Variants in RALGAPB observed in about 807,000 individuals in gnomAD.
RALGAPB encodes the protein ral GTPase-activating protein subunit beta.
RALGAPB carries 25 observed loss-of-function variants against 161.1 expected under a neutral mutation model. The ratio of observed to expected loss-of-function variants is 0.16; its 90% CI spans 0.11 to 0.22. The LOEUF (loss-of-function observed/expected upper bound fraction) is 0.22, where lower values mean the gene tolerates loss of function less well. Among genes scored for constraint, RALGAPB ranks in the 10% least tolerant of loss-of-function variants. The probability of loss-of-function intolerance (pLI) is 1.00; values close to 1 mark genes in which losing one functional copy is unlikely to be tolerated. For missense variants in RALGAPB, 1,391 were observed against 1,815.2 expected, an observed-to-expected ratio of 0.77 and a Z score of 4.25; for synonymous variants, 629 against 626.1, an observed-to-expected ratio of 1.00 and a Z score of -0.07.
intron 1 of RALGAPB, among the ~76,000 whole-genome samples, chr20:38,477,692 T>C (rs2084848607): frequency 6.6e-6 from 1 of 152,214 alleles, no homozygotes; most frequent in South Asian, 2.1e-4. Context: ...AATAGGCATG[T>C]CTTATAATGT....
intron 23 of RALGAPB, among the ~76,000 whole-genome samples, chr20:38,561,056 G>A (rs56406999): frequency 6.6e-6 from 1 of 152,362 alleles, no homozygotes; most frequent in African/African-American, 2.4e-5. Context: ...GCCGGGTGTG[G>A]TGGCTCATGC....
chr20:38,543,616 C>A (rs1158515888), intron 18 of RALGAPB, among the ~76,000 whole-genome samples: 1 of 152,128 alleles, frequency 6.6e-6, no homozygotes. Flanking sequence ...TGATCTTTTC[C>A]ACCACTGCTT....
In RALGAPB at chr20:38,473,022, C is replaced by T. The variant is rs955201225; in HGVS notation, c.-78C>T. Reference sequence around the variant, plus strand: ...CGTGAGGCGGAAGGCCGAGGACGGCCGGCGGCGGCGCCCGCCCCGGCGATG... The same window carrying T: ...CGTGAGGCGGAAGGCCGAGGACGGCTGGCGGCGGCGCCCGCCCCGGCGATG... On this transcript the variant is annotated 5_prime_UTR_variant, in exon 1 of 30. Coordinates refer to ENST00000262879, the MANE Select transcript of RALGAPB (RefSeq NM_020336.4). 2.6e-6 allele frequency: 1 copy of T among 391,960 alleles called. No individual in the cohort carries two copies. The highest frequency in any genetic ancestry group is 4.5e-6 in the Non-Finnish European group (1 of 221,636). 24.3% of individuals were successfully genotyped at this position (391,960 alleles called of 1,614,324 possible). A position where few individuals can be genotyped will look rare whatever the true frequency, so the allele number is the denominator to read the frequency against.
chr20:38,559,898 C>T lies in RALGAPB; in HGVS notation c.3531+1445C>T, dbSNP rs187704645. 1.3e-3 allele frequency among the ~76,000 whole-genome samples: 201 copies of T among 152,120 alleles called. 4 individuals carry two copies. The highest frequency in any genetic ancestry group is 5.8e-4 in the East Asian group (3 of 5,176). On this transcript the variant is annotated intron_variant, in intron 23 of 29. Coordinates refer to ENST00000262879, the MANE Select transcript of RALGAPB (RefSeq NM_020336.4). ...TTACTGACTGTAACTAGGAAAGAGC[C>T]GAAGGAAGACTTGTAAAATGTCGTA...
chr20:38,485,491 G>A (rs1465309357), intron 1 of RALGAPB, among the ~76,000 whole-genome samples: 1 of 151,852 alleles, frequency 6.6e-6, no homozygotes, highest in African/African-American at 2.4e-5. Context: ...GCAGTGGTGC[G>A]ATCTCAGCTT....
intron 1 of RALGAPB, among the ~76,000 whole-genome samples, chr20:38,480,904 A>C (rs2084949052): frequency 6.7e-6 from 1 of 149,216 alleles, no homozygotes; most frequent in Non-Finnish European, 1.5e-5. Flanking sequence ...CGCCCGGCTA[A>C]TTTTTTTTTG....
At chr20:38,508,360 A>G (rs1421502927) in intron 5 of RALGAPB, among the ~76,000 whole-genome samples, 1 of 152,128 alleles carries the variant, frequency 6.6e-6, no homozygotes, top group African/African-American at 2.4e-5. Flanking sequence ...ATACACAAGT[A>G]GAAAAATTAG....
At position 38,499,647 on chromosome 20, in the gene RALGAPB, A is replaced by G; in HGVS notation, c.740+14A>G. 1 of 1,601,096 alleles carries G rather than the reference A, an allele frequency of 6.2e-7. No individual in the cohort carries two copies. The highest frequency in any genetic ancestry group is 2.3e-5 in the East Asian group (1 of 44,414). Reference sequence around the variant, plus strand: ...ACTCACTTCCAGGTAGGTTATTGTCATTGCCCTGCCTTCCTTCACCTGTCT... The same window carrying G: ...ACTCACTTCCAGGTAGGTTATTGTCGTTGCCCTGCCTTCCTTCACCTGTCT... On this transcript the variant is annotated intron_variant, in intron 5 of 29. Coordinates refer to ENST00000262879, the MANE Select transcript of RALGAPB (RefSeq NM_020336.4).
Position 38,558,295 on chromosome 20 carries a change from G to A in RALGAPB, c.3373G>A (p.Glu1125Lys), listed in dbSNP as rs756990960. 8.7e-6 allele frequency: 13 copies of A among 1,498,806 alleles called. No homozygotes were observed. In the Admixed American group the frequency reaches 2.5e-4, roughly 29 times the overall value. 92.8% of individuals were successfully genotyped at this position (1,498,806 alleles called of 1,614,324 possible). A position where few individuals can be genotyped will look rare whatever the true frequency, so the allele number is the denominator to read the frequency against. ...TGCTCCTTTCTTCTTTTGGTGGCAG[G>A]AACCTGCAAATAGTCGTCTACCTCC... is the stretch of plus-strand genomic sequence containing the variant. ...FGFLSLEALK[E>K]PANSRLPPHL... The change falls in exon 23 of 30, where the codon GAA (glutamate) becomes AAA (lysine). Residue 1125 changes from glutamate (E) to lysine (K), a missense_variant and splice_region_variant. By Grantham distance (56) the Glu-to-Lys change is moderately conservative. Coordinates refer to ENST00000262879, the MANE Select transcript of RALGAPB (RefSeq NM_020336.4).
Position 38,546,364 on chromosome 20 carries a change from C to T in RALGAPB, c.2836C>T (p.Arg946Trp), listed in dbSNP as rs143681785. The T allele has an allele frequency of 6.8e-6, 11 of 1,613,930 alleles. No homozygotes were observed. The highest frequency in any genetic ancestry group is 2.2e-5 in the East Asian group (1 of 44,896). Residue 946 changes from arginine to tryptophan, a missense_variant, in exon 19 of 30, where the codon CGG becomes TGG. This residue lies in a region of RALGAPB where 946 missense variants were observed against 1,257.2 expected (regional missense o/e 0.75). Coordinates refer to ENST00000262879, the MANE Select transcript of RALGAPB (RefSeq NM_020336.4). ...RLPTINKHSF[R>W]YFVLDNSVIL... is the part of the protein sequence containing the mutation. ...GCCAACCATAAACAAGCATAGTTTCCGGTACTTTGTCTTGGATAACAGTGT... is the reference window on the plus strand; with the variant it reads ...GCCAACCATAAACAAGCATAGTTTCTGGTACTTTGTCTTGGATAACAGTGT...
At chr20:38,495,750 T>C (rs936334555) in intron 3 of RALGAPB, among the ~76,000 whole-genome samples, 1 of 152,242 alleles carries the variant, frequency 6.6e-6, no homozygotes, top group African/African-American at 2.4e-5. Flanking sequence ...TGTTTTTTTT[T>C]AATGTAAAGG....
chr20:38,510,360 A>T (rs901435981), intron 6 of RALGAPB, among the ~76,000 whole-genome samples: 4 of 152,128 alleles, frequency 2.6e-5, no homozygotes, highest in African/African-American at 9.7e-5. Flanking sequence ...TTGTTTTTAT[A>T]TCAGATTCAC....
At chr20:38,491,393 T>C (rs1017352139) in intron 2 of RALGAPB, among the ~76,000 whole-genome samples, 3 of 152,264 alleles carry the variant, frequency 2.0e-5, no homozygotes, top group African/African-American at 7.2e-5. Flanking sequence ...ACTGAGCACC[T>C]TTTTCCAAAA....
chr20:38,523,085 C>T (rs1439681437), intron 10 of RALGAPB, among the ~76,000 whole-genome samples: 4 of 151,808 alleles, frequency 2.6e-5, no homozygotes, highest in African/African-American at 9.7e-5. Context: ...ACCCAGGAGG[C>T]GGAGGTTGCA....
At chr20:38,495,523 A>G (rs1026933181) in intron 3 of RALGAPB, among the ~76,000 whole-genome samples, 6 of 152,184 alleles carry the variant, frequency 3.9e-5, no homozygotes, top group African/African-American at 1.4e-4. Flanking sequence ...ATATAAATGA[A>G]TGATCATTAC....
Position 38,578,584 on chromosome 20 carries a change from TAC to T in RALGAPB, c.*3619_*3620del, listed in dbSNP as rs2088519708. 1 of 152,648 alleles carries T rather than the reference TAC, an allele frequency of 6.6e-6. No homozygotes were observed. The highest frequency in any genetic ancestry group is 2.4e-5 in the African/African-American group (1 of 41,454). 9.5% of individuals were successfully genotyped at this position (152,648 alleles called of 1,614,324 possible). A position where few individuals can be genotyped will look rare whatever the true frequency, so the allele number is the denominator to read the frequency against. On this transcript the variant is annotated 3_prime_UTR_variant, in exon 30 of 30. Coordinates refer to ENST00000262879, the MANE Select transcript of RALGAPB (RefSeq NM_020336.4). ...ATCATTATTTGCTTGAAATCATATA[TAC>T]AGTTTGTATGAATTTCAGTATGTTG...
chr20:38,510,412 G>A (rs922283414), intron 6 of RALGAPB, among the ~76,000 whole-genome samples: 7 of 152,014 alleles, frequency 4.6e-5, no homozygotes, highest in Non-Finnish European at 1.0e-4. Context: ...TATTTAGTAG[G>A]TCTAATGTCT....
intron 9 of RALGAPB, 32 bp downstream of exon 9, chr20:38,518,032 A>ATTTTCC: frequency 1.9e-6 from 3 of 1,560,646 alleles, no homozygotes; most frequent in Non-Finnish European, 2.6e-6. Flanking sequence ...TGTTATCATT[A>ATTTTCC]TTTTCCTTTT....
intron 4 of RALGAPB, among the ~76,000 whole-genome samples, chr20:38,497,994 G>A (rs1217183961): frequency 6.6e-6 from 1 of 151,732 alleles, no homozygotes; most frequent in Non-Finnish European, 1.5e-5. Context: ...GCTTGAACCT[G>A]GGAGGTGGAG....
Sources: gnomAD v4.1 joint callset for allele counts (sites outside exome capture counted in the v4.1 genomes callset) on GRCh38, gnomAD v4.1.1 for gene constraint, gnomAD v4.1.1 regional missense constraint, MANE v1.5 for transcripts, NCBI Gene and HGNC (gene_info 2026-07-23, HGNC 2026-07-21) for gene names.